Variants in CCDC18 observed in about 807,000 individuals in gnomAD.
The protein encoded by CCDC18 is coiled-coil domain-containing protein 18.
Under a neutral mutation model 196.0 loss-of-function variants are expected in CCDC18, and 157 were observed. The ratio of observed to expected loss-of-function variants is 0.80; its 90% CI spans 0.70 to 0.91. The LOEUF is 0.91. Ranked by LOEUF, CCDC18 falls within the 40% of genes least tolerant of loss-of-function variation. The pLI, the probability that CCDC18 is intolerant of heterozygous loss-of-function variation, is 0.00. For synonymous variants in CCDC18, 482 were observed against 529.2 expected, an observed-to-expected ratio of 0.91 and a Z score of 1.22; for missense variants, 1,465 against 1,611.6, an observed-to-expected ratio of 0.91 and a Z score of 1.56.
At chr1:93,207,519 G>A (rs2101926088) in intron 9 of CCDC18, 121 bp downstream of exon 9, 1 of 693,128 alleles carries the variant, frequency 1.4e-6, no homozygotes, top group Non-Finnish European at 2.3e-6. Flanking sequence ...TTTTAGTCAT[G>A]AATTTCTCTT....
At chr1:93,180,083 G>A, upstream of CCDC18, 1 of 1,613,522 alleles carries the variant, frequency 6.2e-7, no homozygotes, top group Non-Finnish European at 8.5e-7. Context: ...GAGGCCTTCA[G>A]GGGCATGGGC....
rs118063392 is a variant in CCDC18, at chr1:93,238,167, A to G, written c.2604-1143A>G. 1.3e-3 allele frequency among the ~76,000 whole-genome samples: 196 copies of G among 152,320 alleles called. 1 individual carries two copies. The East Asian group carries it at 0.032, about 25-fold the overall frequency. Reference sequence around the variant, plus strand: ...GCCATCTGCTCATGGCTCTATGCCAATCTCTTTTGATTATTCTTTTCTAAT... The same window carrying G: ...GCCATCTGCTCATGGCTCTATGCCAGTCTCTTTTGATTATTCTTTTCTAAT... On this transcript the variant is annotated intron_variant, in intron 19 of 28. Transcript: ENST00000690025.
At chr1:93,259,775 T>A (rs1403080630) in intron 26 of CCDC18, among the ~76,000 whole-genome samples, 2 of 152,200 alleles carry the variant, frequency 1.3e-5, no homozygotes, top group Non-Finnish European at 2.9e-5. Flanking sequence ...TCAGCATAAT[T>A]ATATAATTGT....
chr1:93,238,705 C>T (rs1205059322), intron 19 of CCDC18, among the ~76,000 whole-genome samples: 1 of 152,000 alleles, frequency 6.6e-6, no homozygotes, highest in African/African-American at 2.4e-5. Context: ...GGGGAGCTGC[C>T]GTATTAGAAT....
intron 17 of CCDC18, among the ~76,000 whole-genome samples, chr1:93,230,390 G>C (rs1301942678): frequency 6.6e-6 from 1 of 151,630 alleles, no homozygotes; most frequent in Non-Finnish European, 1.5e-5. Flanking sequence ...TACTTGGGAG[G>C]CTGAGGCAGG....
At chr1:93,235,422 T>C (rs762671085) in intron 18 of CCDC18, among the ~76,000 whole-genome samples, 2 of 152,082 alleles carry the variant, frequency 1.3e-5, no homozygotes, top group South Asian at 2.1e-4. Flanking sequence ...AAAATGAAGG[T>C]TGGGAAATGT....
chr1:93,259,591 G>C (rs1255400070), intron 26 of CCDC18, among the ~76,000 whole-genome samples: 2 of 152,182 alleles, frequency 1.3e-5, no homozygotes, highest in African/African-American at 4.8e-5. Context: ...ATTTTTGTGA[G>C]TGATTGGTAG....
chr1:93,245,909 C>T (rs1391358383), intron 21 of CCDC18, among the ~76,000 whole-genome samples, 196 bp from the exon 22 acceptor site: 1 of 151,808 alleles, frequency 6.6e-6, no homozygotes, highest in Non-Finnish European at 1.5e-5. Context: ...TTTAGAATAC[C>T]CTTTATTAAA....
At chr1:93,274,598 A>C (rs555626614) in intron 28 of CCDC18, among the ~76,000 whole-genome samples, 123 of 152,180 alleles carry the variant, frequency 8.1e-4, no homozygotes, top group South Asian at 1.5e-3. Context: ...TAATCCCAAC[A>C]CTTTGGGAGG....
intron 28 of CCDC18, among the ~76,000 whole-genome samples, chr1:93,276,293 T>A (rs1243455812): frequency 6.6e-6 from 1 of 152,216 alleles, no homozygotes. Context: ...CACTGAAGTA[T>A]TCTGCTTTCA....
chr1:93,197,181 A>G (rs1652864522), intron 6 of CCDC18, among the ~76,000 whole-genome samples: 1 of 152,204 alleles, frequency 6.6e-6, no homozygotes, highest in African/African-American at 2.4e-5. Context: ...AATAATAAAG[A>G]TAAGGATGAA....
chr1:93,258,703 A>T, intron 25 of CCDC18, 45 bp from the exon 26 acceptor site: 1 of 1,462,732 alleles, frequency 6.8e-7, no homozygotes, highest in South Asian at 1.5e-5. Flanking sequence ...TATAATAACC[A>T]AATAAACAAG....
At chr1:93,233,198 G>A (rs1320665831) in intron 18 of CCDC18, among the ~76,000 whole-genome samples, 2 of 152,010 alleles carry the variant, frequency 1.3e-5, no homozygotes, top group Non-Finnish European at 2.9e-5. Flanking sequence ...ATCAGGACAT[G>A]GTATGTGATA....
chr1:93,273,929 A>G (rs1306808808), intron 28 of CCDC18, among the ~76,000 whole-genome samples: 1 of 152,224 alleles, frequency 6.6e-6, no homozygotes, highest in African/African-American at 2.4e-5. Flanking sequence ...TCTGAATAGT[A>G]CCAAATAATA....
chr1:93,214,104 A>G (rs1364068299), intron 11 of CCDC18, among the ~76,000 whole-genome samples: 3 of 152,068 alleles, frequency 2.0e-5, no homozygotes, highest in Non-Finnish European at 2.9e-5. Context: ...ACCCTCAGTA[A>G]TTTTTTTGAG....
At chr1:93,190,544 G>C (rs1651574564) in intron 4 of CCDC18, among the ~76,000 whole-genome samples, 1 of 152,130 alleles carries the variant, frequency 6.6e-6, no homozygotes, top group African/African-American at 2.4e-5. Context: ...TAAGAGAAAG[G>C]CATTTAAATG....
At chr1:93,217,603 A>G in intron 13 of CCDC18, 135 bp from the exon 14 acceptor site, 4 of 663,148 alleles carry the variant, frequency 6.0e-6, no homozygotes, top group Non-Finnish European at 9.9e-6. Flanking sequence ...CTACTTAGCT[A>G]ATTTTTTGTA....
rs60165485 is a variant in CCDC18 at position 93,223,900 on chromosome 1, TACACACACAC to T, written c.2175+1996_2175+2005del. On this transcript the variant is annotated intron_variant, in intron 16 of 28. Transcript: ENST00000690025. ...TTTTTGTTTTGATTTCATTTATTTATACACACACACACACACACACACACACACACACACA... is the reference window on the plus strand; with the variant it reads ...TTTTTGTTTTGATTTCATTTATTTATACACACACACACACACACACACACA... Among the ~76,000 whole-genome samples the T allele has an allele frequency of 5.8e-3, 818 of 141,370 alleles. 6 individuals carry two copies. Among genetic ancestry groups the T allele is most frequent in the African/African-American group, 0.011 (411 of 38,106 alleles). The allele number at this position is 141,370 out of a possible 152,430, so 92.7% of individuals were successfully genotyped here. A position where few individuals can be genotyped will look rare whatever the true frequency, so the allele number is the denominator to read the frequency against.
intron 26 of CCDC18, among the ~76,000 whole-genome samples, chr1:93,260,073 C>G (rs1477928868): frequency 6.6e-6 from 1 of 152,186 alleles, no homozygotes; most frequent in Non-Finnish European, 1.5e-5. Flanking sequence ...CACTCAGCCT[C>G]TAAGTAGCTG....
Sources: gnomAD v4.1 joint callset for allele counts (sites outside exome capture counted in the v4.1 genomes callset) on GRCh38, gnomAD v4.1.1 for gene constraint, MANE v1.5 for transcripts, NCBI Gene and HGNC (gene_info 2026-07-23, HGNC 2026-07-21) for gene names.